TUSC3: variants seen among roughly 807,000 people sequenced by gnomAD.
The protein encoded by TUSC3 is tumor suppressor candidate 3, also known as dolichyl-diphosphooligosaccharide--protein glycosyltransferase subunit TUSC3.
TUSC3 carries 45 observed loss-of-function variants against 44.8 expected under a neutral mutation model. The observed-to-expected ratio is 1.00, with a 90% CI of 0.79 to 1.29. TUSC3 has a LOEUF of 1.29. Among genes scored for constraint, TUSC3 ranks in the 50% most tolerant of loss-of-function variants. TUSC3 has a pLI of 0.00. For synonymous variants in TUSC3, 212 were observed against 152.9 expected, an observed-to-expected ratio of 1.39 and a Z score of -2.85; for missense variants, 519 against 437.9, an observed-to-expected ratio of 1.19 and a Z score of -1.65.
intron 6 of TUSC3, among the ~76,000 whole-genome samples, chr8:15,674,278 G>A (rs989363681): frequency 6.6e-6 from 1 of 151,960 alleles, no homozygotes; most frequent in Non-Finnish European, 1.5e-5. Context: ...CTTTGCCACA[G>A]AATTAAAAGT....
chr8:15,456,929 T>C (rs1800264082), intron 1 of TUSC3, among the ~76,000 whole-genome samples: 1 of 152,150 alleles, frequency 6.6e-6, no homozygotes, highest in Non-Finnish European at 1.5e-5. Flanking sequence ...AGAACACTTA[T>C]TCATCAAAGG....
At chr8:15,565,011 A>G (rs373893219) in intron 1 of TUSC3, among the ~76,000 whole-genome samples, 19 of 152,226 alleles carry the variant, frequency 1.2e-4, no homozygotes, top group East Asian at 9.6e-4. Context: ...TGCATTTTGT[A>G]TTGTTGCTGT....
At chr8:15,736,595 A>C (rs1810948329) in intron 7 of TUSC3, among the ~76,000 whole-genome samples, 1 of 152,196 alleles carries the variant, frequency 6.6e-6, no homozygotes, top group Non-Finnish European at 1.5e-5. Flanking sequence ...ACACTTATAA[A>C]TATGGCACAA....
chr8:15,628,447 T>G (rs1167579106), intron 2 of TUSC3, among the ~76,000 whole-genome samples: 1 of 152,228 alleles, frequency 6.6e-6, no homozygotes, highest in Admixed American at 6.5e-5. Flanking sequence ...TTTTATTTGT[T>G]CATTATAGCC....
At chr8:15,474,116 C>G (rs1800535101) in intron 1 of TUSC3, among the ~76,000 whole-genome samples, 1 of 152,168 alleles carries the variant, frequency 6.6e-6, no homozygotes, top group Non-Finnish European at 1.5e-5. Context: ...ATCTTCCCTA[C>G]TTACACGTCC....
At chr8:15,494,938 T>C (rs1400292125) in intron 2 of TUSC3, among the ~76,000 whole-genome samples, 1 of 149,774 alleles carries the variant, frequency 6.7e-6, no homozygotes, top group East Asian at 1.9e-4. Context: ...ACTTTTCTCT[T>C]AATAGCAAAA....
At chr8:15,652,780 C>T (rs749139014) in intron 3 of TUSC3, among the ~76,000 whole-genome samples, 2 of 152,106 alleles carry the variant, frequency 1.3e-5, no homozygotes, top group Non-Finnish European at 2.9e-5. Context: ...TATTGGCAAA[C>T]AGTCTTCTAG....
At chr8:15,618,268 T>A (rs1805082892) in intron 1 of TUSC3, among the ~76,000 whole-genome samples, 1 of 152,222 alleles carries the variant, frequency 6.6e-6, no homozygotes. Flanking sequence ...AAATTAACTT[T>A]ACCCTACTAG....
At chr8:15,700,849 C>CTTT (rs71211076) in intron 6 of TUSC3, among the ~76,000 whole-genome samples, 3 of 90,540 alleles carry the variant, frequency 3.3e-5, no homozygotes, top group African/African-American at 4.9e-5. Flanking sequence ...ATGGCTGGAG[C>CTTT]TTTTTTTTTT....
chr8:15,561,353 C>G lies in TUSC3; in HGVS notation c.138+20785C>G, dbSNP rs1415405888. Among the ~76,000 whole-genome samples, 6 of 144,958 alleles carry G rather than the reference C, an allele frequency of 4.1e-5. No homozygotes were observed. The East Asian group carries it at 1.2e-3, about 30-fold the overall frequency. ...TCAGGGACCCACTTGAGGAGGCAGT[C>G]TGCCAGTTCTCAGATCTCCAGCTGC... On this transcript the variant is annotated intron_variant, in intron 1 of 10. Coordinates refer to ENST00000503731, the MANE Select transcript of TUSC3 (RefSeq NM_006765.4).
intron 7 of TUSC3, among the ~76,000 whole-genome samples, chr8:15,731,809 G>C (rs1441496818): frequency 6.6e-6 from 1 of 152,084 alleles, no homozygotes; most frequent in Non-Finnish European, 1.5e-5. Context: ...TCATAACAAT[G>C]CATTTTTAAA....
chr8:15,761,169 G>T (rs768708684), intron 10 of TUSC3, among the ~76,000 whole-genome samples: 1 of 152,100 alleles, frequency 6.6e-6, no homozygotes, highest in African/African-American at 2.4e-5. Context: ...AAAATCTTTT[G>T]AATTTCAAGT....
At chr8:15,541,264 A>G (rs989935122) in intron 1 of TUSC3, among the ~76,000 whole-genome samples, 5 of 152,216 alleles carry the variant, frequency 3.3e-5, no homozygotes, top group African/African-American at 1.2e-4. Context: ...GAAAAGGTTG[A>G]GATTTGAAGT....
At chr8:15,601,375 G>A (rs1206667830) in intron 1 of TUSC3, among the ~76,000 whole-genome samples, 2 of 151,636 alleles carry the variant, frequency 1.3e-5, no homozygotes, top group South Asian at 2.1e-4. Flanking sequence ...CTAAAGCAAC[G>A]GGTTTATAGT....
intron 1 of TUSC3, among the ~76,000 whole-genome samples, chr8:15,584,194 T>C (rs1803500020): frequency 6.6e-6 from 1 of 152,172 alleles, no homozygotes; most frequent in African/African-American, 2.4e-5. Flanking sequence ...TATGGTTAAT[T>C]TGAGTAATTA....
intron 6 of TUSC3, among the ~76,000 whole-genome samples, chr8:15,724,181 C>A (rs1317878010): frequency 6.6e-6 from 1 of 152,030 alleles, no homozygotes; most frequent in Non-Finnish European, 1.5e-5. Flanking sequence ...TGTCTTCTGC[C>A]CAAGGGGATC....
At chr8:15,794,367 A>T in the TUSC3 span, among the ~76,000 whole-genome samples, 14 of 152,286 alleles carry the variant, frequency 9.2e-5, no homozygotes, top group African/African-American at 3.4e-4. Context: ...TCTAACTGGA[A>T]AATCAGAGTG....
chr8:15,574,267 A>G (rs969307178), intron 1 of TUSC3, among the ~76,000 whole-genome samples: 4 of 152,054 alleles, frequency 2.6e-5, no homozygotes, highest in Admixed American at 2.0e-4. Flanking sequence ...GTCTTAATCT[A>G]TAGAGACTCC....
chr8:15,568,799 T>G (rs1205068774), intron 1 of TUSC3, among the ~76,000 whole-genome samples: 3 of 152,086 alleles, frequency 2.0e-5, no homozygotes, highest in African/African-American at 7.2e-5. Context: ...AAATTCTTAT[T>G]GGTATATTTG....
Sources: allele counts gnomAD v4.1 joint callset (sites outside exome capture counted in the v4.1 genomes callset), GRCh38; gene constraint gnomAD v4.1.1; transcripts MANE v1.5; gene names NCBI Gene and HGNC (gene_info 2026-07-23, HGNC 2026-07-21).